The following NCOR2 variants were observed in gnomAD, a reference collection of about 807,000 sequenced individuals.
NCOR2 encodes the protein nuclear receptor corepressor 2.
In NCOR2, 81 loss-of-function variants were observed where a neutral mutation model predicts 262.9. That is an observed-to-expected ratio of 0.31 (90% CI 0.26 to 0.37). The LOEUF (loss-of-function observed/expected upper bound fraction) is 0.37, where lower values mean the gene tolerates loss of function less well. Among genes scored for constraint, NCOR2 ranks in the 10% least tolerant of loss-of-function variants. NCOR2 has a pLI of 1.00. For synonymous variants in NCOR2, 1,659 were observed against 1,559.3 expected (o/e 1.06, Z -1.51); for missense variants, 3,385 against 3,621.4 (o/e 0.93, Z 1.68).
rs1290309745 is a variant in NCOR2 at position 124,430,803 on chromosome 12, G to A, written c.883-16C>T. The A allele has an allele frequency of 1.9e-6, 3 of 1,590,658 alleles. No individual in the cohort carries two copies. The highest frequency in any genetic ancestry group is 2.2e-5 in the South Asian group (2 of 88,966). On this transcript the variant is annotated splice_polypyrimidine_tract_variant and intron_variant, in intron 8 of 46. Coordinates refer to ENST00000405201, the Ensembl canonical transcript of NCOR2. ...ACTTCTGCTCCTGGGAGAGCGCAGGGGGCACTGCGGAAGATGCTCCTGCAC... is the reference window on the plus strand; with the variant it reads ...ACTTCTGCTCCTGGGAGAGCGCAGGAGGCACTGCGGAAGATGCTCCTGCAC...
At chr12:124,449,718 A>G in intron 7 of NCOR2, 97 bp downstream of exon 9, 1 of 1,424,288 alleles carries the variant, frequency 7.0e-7, no homozygotes, top group Non-Finnish European at 9.7e-7. Flanking sequence ...CCCTGATGGG[A>G]ACAGAGAGCC....
intron 1 of NCOR2, among the ~76,000 whole-genome samples, chr12:124,565,935 C>G (rs1376753735): frequency 6.6e-6 from 1 of 152,174 alleles, no homozygotes; most frequent in Non-Finnish European, 1.5e-5. Context: ...AGAGGCCACC[C>G]ACGAGGTACA....
At chr12:124,380,929 G>A (rs1593294259) in intron 17 of NCOR2, among the ~76,000 whole-genome samples, 2 of 152,336 alleles carry the variant, frequency 1.3e-5, no homozygotes, top group East Asian at 3.9e-4. Flanking sequence ...GGAGGTGTGT[G>A]TAGAATAGGA....
chr12:124,383,980 G>A (rs548874660), intron 17 of NCOR2, among the ~76,000 whole-genome samples: 2 of 152,292 alleles, frequency 1.3e-5, no homozygotes, highest in African/African-American at 2.4e-5. Flanking sequence ...AGGCTGCAGC[G>A]GGGGGAGACG....
exon 38 of NCOR2, chr12:124,337,032 C>T: frequency 6.7e-7 from 1 of 1,502,664 alleles, no homozygotes; most frequent in Non-Finnish European, 8.9e-7. Context: ...CGGGGCCGCT[C>T]TGGCCGGGCG....
In NCOR2 at chr12:124,433,277, AGGGATGGGGACTGCAGGGACGG is replaced by A. The variant is rs757890506; in HGVS notation, c.883-2512_883-2491del. 4.4e-4 allele frequency among the ~76,000 whole-genome samples: 67 copies of A among 152,336 alleles called. 1 individual carries two copies. The highest frequency in any genetic ancestry group is 8.8e-5 in the Non-Finnish European group (6 of 68,020). On this transcript the variant is annotated intron_variant, in intron 8 of 46. Transcript: ENST00000405201. ...GCAGTGGCTGCTGACAGCCCCAGTG[AGGGATGGGGACTGCAGGGACGG>A]CAACAACCAGCCCATGCCACCTCGG...
intron 22 of NCOR2, among the ~76,000 whole-genome samples, chr12:124,360,711 C>T (rs531646191): frequency 3.9e-5 from 6 of 151,904 alleles, no homozygotes; most frequent in East Asian, 2.0e-4. Flanking sequence ...ACACCCCGAG[C>T]GTGTTTCCAC....
At chr12:124,356,496 T>C (rs927788253) in intron 23 of NCOR2, 146 bp downstream of exon 25, 2 of 723,552 alleles carry the variant, frequency 2.8e-6, no homozygotes, top group Non-Finnish European at 2.0e-6. Flanking sequence ...GATCTCCCCC[T>C]TTCCCTCCAC....
chr12:124,406,298 T>C (rs1333980826), intron 13 of NCOR2, among the ~76,000 whole-genome samples: 4 of 152,182 alleles, frequency 2.6e-5, no homozygotes, highest in African/African-American at 9.7e-5. Flanking sequence ...AGCACTCTGC[T>C]CCAGGCCAGT....
chr12:124,424,341 T>C (rs538066139), intron 11 of NCOR2, among the ~76,000 whole-genome samples: 1 of 152,132 alleles, frequency 6.6e-6, no homozygotes, highest in South Asian at 2.1e-4. Context: ...CGTTCAAAAC[T>C]GTAAGAAGCA....
At chr12:124,355,462 G>T in exon 24 of NCOR2, 1 of 1,613,370 alleles carries the variant, frequency 6.2e-7, no homozygotes. Context: ...GCCTCTCGAG[G>T]ACGCTGGGGT....
intron 16 of NCOR2, among the ~76,000 whole-genome samples, chr12:124,392,668 G>T (rs2041393386): frequency 6.6e-6 from 1 of 152,272 alleles, no homozygotes. Flanking sequence ...CTTTTGGGGG[G>T]CCCATGGTGG....
intron 1 of NCOR2, among the ~76,000 whole-genome samples, chr12:124,554,255 G>A (rs746793904): frequency 2.0e-5 from 3 of 152,186 alleles, no homozygotes; most frequent in African/African-American, 2.4e-5. Context: ...TCCCAGAGAC[G>A]CTGTGCAAAA....
chr12:124,494,479 C>A (rs563720714), intron 1 of NCOR2, among the ~76,000 whole-genome samples: 1 of 152,194 alleles, frequency 6.6e-6, no homozygotes, highest in African/African-American at 2.4e-5. Flanking sequence ...GAAATGGGGC[C>A]CCCGCTGGGA....
rs1170977697 is a variant in NCOR2, at chr12:124,547,577, C to G, written c.-164-11966G>C. Among the ~76,000 whole-genome samples the G allele has an allele frequency of 3.9e-5, 6 of 152,274 alleles. No homozygotes were observed. The South Asian group carries it at 1.0e-3, about 26-fold the overall frequency. ...GCAGCTCTGACATTTAGGACATTCC[C>G]AGTGCTGTGCGACCATCACCTCTAT... On this transcript the variant is annotated intron_variant, in intron 1 of 32. Transcript: ENST00000458234.
chr12:124,362,274 G>A, exon 22 of NCOR2: 1 of 1,313,812 alleles, frequency 7.6e-7, no homozygotes, highest in Non-Finnish European at 9.7e-7. Context: ...CCTCCCGGGG[G>A]GGCTCATGGA....
chr12:124,441,800 G>T (rs1034327341), intron 7 of NCOR2, among the ~76,000 whole-genome samples: 1 of 152,208 alleles, frequency 6.6e-6, no homozygotes, highest in African/African-American at 2.4e-5. Flanking sequence ...GAGACCTAGG[G>T]CAGAGCCCCC....
chr12:124,333,930 G>A lies in NCOR2; in HGVS notation c.6605+494C>T, dbSNP rs576775398. Reference sequence around the variant, plus strand: ...TGTGTGCGGGTGTGCATGTGTGTGCGCGCGCATGTGTGTGGGTGTGCACGT... The same window carrying A: ...TGTGTGCGGGTGTGCATGTGTGTGCACGCGCATGTGTGTGGGTGTGCACGT... On this transcript the variant is annotated intron_variant, in intron 41 of 46. Transcript: ENST00000405201. Among the ~76,000 whole-genome samples, 669 of 148,972 alleles carry A rather than the reference G, an allele frequency of 4.5e-3. 1 individual carries two copies. The highest frequency in any genetic ancestry group is 0.01 in the Middle Eastern group (3 of 286).
chr12:124,521,635 G>A (rs2050196213), intron 1 of NCOR2, among the ~76,000 whole-genome samples: 1 of 152,226 alleles, frequency 6.6e-6, no homozygotes, highest in African/African-American at 2.4e-5. Flanking sequence ...CACCGGTACA[G>A]GGTTCCTTTT....
Sources: allele counts gnomAD v4.1 joint callset (sites outside exome capture counted in the v4.1 genomes callset), GRCh38; gene constraint gnomAD v4.1.1; transcripts MANE v1.5; gene names NCBI Gene and HGNC (gene_info 2026-07-23, HGNC 2026-07-21).